The following CPVL variants were observed in gnomAD, a reference collection of about 807,000 sequenced individuals.
The protein encoded by CPVL is carboxypeptidase vitellogenic like.
A neutral mutation model predicts 63.7 loss-of-function variants in CPVL; 51 were observed. That is an observed-to-expected ratio of 0.80 (90% CI 0.64 to 1.01). The LOEUF (loss-of-function observed/expected upper bound fraction) is 1.01, where lower values mean the gene tolerates loss of function less well. CPVL is among the 50% of genes least tolerant of loss of function. The probability of loss-of-function intolerance (pLI) is 0.00; values close to 1 mark genes in which losing one functional copy is unlikely to be tolerated. For missense variants in CPVL, 530 were observed against 573.1 expected (o/e 0.92, Z 0.77); for synonymous variants, 195 against 206.0 (o/e 0.95, Z 0.46).
chr7:29,190,526 A>T (rs1782751812), intron 1 of CPVL, among the ~76,000 whole-genome samples: 1 of 152,226 alleles, frequency 6.6e-6, no homozygotes, highest in Non-Finnish European at 1.5e-5. Flanking sequence ...AACAAAATAA[A>T]CAAATTACAC....
chr7:29,080,973 T>C (rs959462900), intron 7 of CPVL, among the ~76,000 whole-genome samples: 4 of 152,224 alleles, frequency 2.6e-5, no homozygotes, highest in Non-Finnish European at 4.4e-5. Context: ...CATGCCCTGC[T>C]AGTTTGGAAG....
At chr7:29,069,394 T>G (rs529575111) in intron 9 of CPVL, among the ~76,000 whole-genome samples, 1 of 143,700 alleles carries the variant, frequency 7.0e-6, no homozygotes, top group Non-Finnish European at 1.5e-5. Context: ...TGAGCTGAGA[T>G]CTTGCCACTG....
At chr7:29,130,280 T>G (rs1050631474) in intron 1 of CPVL, among the ~76,000 whole-genome samples, 1 of 152,152 alleles carries the variant, frequency 6.6e-6, no homozygotes, top group East Asian at 1.9e-4. Context: ...AACACTAAGC[T>G]GGAAAAGGGA....
intron 12 of CPVL, among the ~76,000 whole-genome samples, chr7:29,005,046 G>A (rs186072735): frequency 7.5e-5 from 11 of 147,634 alleles, no homozygotes; most frequent in Admixed American, 4.1e-4. Flanking sequence ...ACAGGCATAC[G>A]CCACTACATC....
chr7:29,120,297 C>T (rs2128640015), intron 2 of CPVL, among the ~76,000 whole-genome samples: 1 of 152,106 alleles, frequency 6.6e-6, no homozygotes, highest in South Asian at 2.1e-4. Flanking sequence ...TGGTGGGCAC[C>T]TGTAATCCCA....
chr7:29,081,010 C>T (rs1213486623), intron 7 of CPVL, among the ~76,000 whole-genome samples: 1 of 152,216 alleles, frequency 6.6e-6, no homozygotes, highest in Non-Finnish European at 1.5e-5. Flanking sequence ...CACAACCTCC[C>T]ACGTGCACTG....
At position 29,075,931 on chromosome 7, in the gene CPVL, T is replaced by A. The variant is rs185392948; in HGVS notation, c.610-3508A>T. Among the ~76,000 whole-genome samples, 63 of 148,520 alleles carry A rather than the reference T, an allele frequency of 4.2e-4. 2 individuals are homozygous for A. In the East Asian group the frequency reaches 0.011, roughly 26 times the overall value. On this transcript the variant is annotated intron_variant, in intron 7 of 12. Transcript: ENST00000265394. ...TGAAATATTGTAATAAAATTTCAGT[T>A]ATTTTCACTCTCCTTGTTGAGATAG...
At chr7:29,044,874 C>T in intron 11 of CPVL, among the ~76,000 whole-genome samples, 1 of 152,180 alleles carries the variant, frequency 6.6e-6, no homozygotes, top group East Asian at 1.9e-4. Flanking sequence ...CATTTATTAT[C>T]TTTCTCTCTG....
intron 12 of CPVL, among the ~76,000 whole-genome samples, chr7:29,004,758 G>C (rs1345246318): frequency 1.3e-5 from 2 of 152,152 alleles, no homozygotes; most frequent in East Asian, 3.9e-4. Flanking sequence ...ATAGGGCTTT[G>C]AGTGCTAAAA....
Position 28,995,452 on chromosome 7 carries a change from C to T in CPVL, c.*320G>A. On this transcript the variant is annotated 3_prime_UTR_variant, in exon 13 of 13. Transcript: ENST00000265394. ...CTTTGTTTGTTACAACTGCACTTTT[C>T]ACTTACTCTTAGAAGAAATTAAAAC... 4.5e-6 allele frequency: 1 copy of T among 222,802 alleles called. No homozygotes were observed. The highest frequency in any genetic ancestry group is 8.7e-6 in the Non-Finnish European group (1 of 115,186). 13.8% of individuals were successfully genotyped at this position (222,802 alleles called of 1,614,324 possible).
chr7:29,128,820 AGAT>A (rs1790370202), intron 1 of CPVL, among the ~76,000 whole-genome samples: 1 of 152,166 alleles, frequency 6.6e-6, no homozygotes, highest in East Asian at 1.9e-4. Context: ...ATCTCTGGGT[AGAT>A]GATCTGAGAC....
intron 5 of CPVL, among the ~76,000 whole-genome samples, chr7:29,169,384 A>AC (rs1022261574): frequency 4.6e-4 from 70 of 152,080 alleles, no homozygotes; most frequent in African/African-American, 1.7e-3. Context: ...CCATTTTCAT[A>AC]CCCCTCTAAA....
At chr7:29,162,077 A>G (rs1442088782) in intron 5 of CPVL, among the ~76,000 whole-genome samples, 2 of 152,360 alleles carry the variant, frequency 1.3e-5, no homozygotes, top group East Asian at 1.9e-4. Flanking sequence ...CGCTGGTGGC[A>G]ATGTTAAACA....
chr7:28,999,287 A>T (rs1003374701), intron 12 of CPVL, among the ~76,000 whole-genome samples: 1 of 152,148 alleles, frequency 6.6e-6, no homozygotes, highest in Admixed American at 6.6e-5. Flanking sequence ...ATTAAAAGAG[A>T]TCGTGAGGCA....
intron 1 of CPVL, among the ~76,000 whole-genome samples, chr7:29,132,204 C>G (rs997532316): frequency 6.6e-6 from 1 of 152,070 alleles, no homozygotes; most frequent in African/African-American, 2.4e-5. Flanking sequence ...GGCAGGAGAA[C>G]AGTGACTACA....
intron 3 of CPVL, among the ~76,000 whole-genome samples, chr7:29,104,481 G>A (rs182270297): frequency 8.3e-4 from 126 of 152,224 alleles, no homozygotes; most frequent in Non-Finnish European, 1.5e-3. Flanking sequence ...GGCTGGTCTC[G>A]AACTTCTGAC....
intron 12 of CPVL, among the ~76,000 whole-genome samples, chr7:28,997,224 G>A (rs1180469534): frequency 6.6e-6 from 1 of 152,200 alleles, no homozygotes; most frequent in African/African-American, 2.4e-5. Flanking sequence ...CATATGTGGA[G>A]AATGGACAGG....
At chr7:29,018,015 C>A (rs540500108) in intron 12 of CPVL, among the ~76,000 whole-genome samples, 1 of 152,238 alleles carries the variant, frequency 6.6e-6, no homozygotes, top group African/African-American at 2.4e-5. Context: ...CGAGATAATC[C>A]ATCTTGTAGT....
chr7:29,151,342 C>T (rs953277885), upstream of CPVL, among the ~76,000 whole-genome samples: 13 of 152,182 alleles, frequency 8.5e-5, no homozygotes, highest in African/African-American at 2.4e-4. Flanking sequence ...ACTCCTTTGA[C>T]GATCCAGATG....
Sources: gnomAD v4.1 joint callset for allele counts (sites outside exome capture counted in the v4.1 genomes callset) on GRCh38, gnomAD v4.1.1 for gene constraint, MANE v1.5 for transcripts, NCBI Gene and HGNC (gene_info 2026-07-23, HGNC 2026-07-21) for gene names.